GPR158: variants seen among roughly 807,000 people sequenced by gnomAD.
The protein encoded by GPR158 is G protein-coupled receptor 158.
GPR158 carries 30 observed loss-of-function variants against 78.2 expected under a neutral mutation model. That is an observed-to-expected ratio of 0.38 (90% CI 0.29 to 0.52). The LOEUF (loss-of-function observed/expected upper bound fraction) is 0.52. Ranked by LOEUF, GPR158 falls within the 20% of genes least tolerant of loss-of-function variation. The probability of loss-of-function intolerance (pLI) is 0.83; values close to 1 mark genes in which losing one functional copy is unlikely to be tolerated. For missense variants in GPR158, 1,463 were observed against 1,523.5 expected, an observed-to-expected ratio of 0.96 and a Z score of 0.66; for synonymous variants, 581 against 591.1, an observed-to-expected ratio of 0.98 and a Z score of 0.25.
intron 5 of GPR158, among the ~76,000 whole-genome samples, chr10:25,476,723 A>G (rs780327432): frequency 1.3e-5 from 2 of 152,084 alleles, no homozygotes; most frequent in Non-Finnish European, 1.5e-5. Context: ...TTTTCCTTGC[A>G]TGGCAGTACT....
chr10:25,362,275 G>T (rs1855651312), intron 2 of GPR158, among the ~76,000 whole-genome samples: 1 of 151,814 alleles, frequency 6.6e-6, no homozygotes, highest in Admixed American at 6.6e-5. Flanking sequence ...ATTACATGAG[G>T]GTTTATTTCT....
intron 4 of GPR158, among the ~76,000 whole-genome samples, chr10:25,435,801 G>T (rs1834990302): frequency 6.6e-6 from 1 of 152,278 alleles, no homozygotes; most frequent in East Asian, 1.9e-4. Context: ...GTGTAAAAGT[G>T]GGGGAAATGA....
intron 4 of GPR158, among the ~76,000 whole-genome samples, chr10:25,433,429 T>C (rs999007064): frequency 6.6e-6 from 1 of 152,142 alleles, no homozygotes; most frequent in African/African-American, 2.4e-5. Context: ...TGGTTTTATA[T>C]GTTCCTTGGC....
intron 5 of GPR158, among the ~76,000 whole-genome samples, chr10:25,506,516 T>C (rs1355276033): frequency 1.3e-5 from 2 of 152,212 alleles, no homozygotes; most frequent in East Asian, 1.9e-4. Context: ...GTTGAAACAA[T>C]AGGCACTGTT....
At chr10:25,315,120 A>C (rs1329104177) in intron 2 of GPR158, among the ~76,000 whole-genome samples, 1 of 151,862 alleles carries the variant, frequency 6.6e-6, no homozygotes, top group African/African-American at 2.4e-5. Context: ...TGAGGATGAA[A>C]AGTTTGATAT....
intron 2 of GPR158, 58 bp from the exon 3 acceptor site, chr10:25,395,853 C>G (rs574111272): frequency 2.0e-5 from 16 of 805,008 alleles, no homozygotes; most frequent in Middle Eastern, 2.3e-4. Context: ...TATCTGCGAG[C>G]CTTTATACCA....
intron 4 of GPR158, among the ~76,000 whole-genome samples, chr10:25,455,581 CTAAT>C (rs1835279958): frequency 6.6e-6 from 1 of 152,036 alleles, no homozygotes; most frequent in South Asian, 2.1e-4. Flanking sequence ...AGAAAGAAGA[CTAAT>C]TAAAACATCC....
intron 9 of GPR158, among the ~76,000 whole-genome samples, chr10:25,595,640 C>T (rs1295074248): frequency 6.6e-6 from 1 of 152,186 alleles, no homozygotes; most frequent in Non-Finnish European, 1.5e-5. Context: ...AAATGCCACA[C>T]ATTGCATGAT....
chr10:25,474,071 G>A (rs1835548140), intron 5 of GPR158, among the ~76,000 whole-genome samples: 1 of 152,066 alleles, frequency 6.6e-6, no homozygotes, highest in South Asian at 2.1e-4. Flanking sequence ...CAAATAGATG[G>A]CATGATGAAA....
At chr10:25,594,421 T>G in intron 9 of GPR158, 24 bp downstream of exon 9, 1 of 1,104,086 alleles carries the variant, frequency 9.1e-7, no homozygotes, top group Non-Finnish European at 1.3e-6. Context: ...ATTACTTTTT[T>G]TTTTGCAAAA....
intron 2 of GPR158, among the ~76,000 whole-genome samples, chr10:25,247,939 A>G (rs2130716368): frequency 6.7e-6 from 1 of 149,766 alleles, no homozygotes; most frequent in South Asian, 2.2e-4. Context: ...CCAACAATGT[A>G]AAAGTGTTCC....
chr10:25,271,665 T>C (rs1854120564), intron 2 of GPR158, among the ~76,000 whole-genome samples: 1 of 152,198 alleles, frequency 6.6e-6, no homozygotes, highest in Admixed American at 6.5e-5. Context: ...CGCATATAAC[T>C]TAGAAACATT....
intron 6 of GPR158, 43 bp from the exon 7 acceptor site, chr10:25,572,606 G>C (rs1004889362): frequency 7.5e-6 from 9 of 1,197,140 alleles, no homozygotes; most frequent in Non-Finnish European, 1.1e-5. Flanking sequence ...TATACTTTCT[G>C]AATGTTAGGT....
At chr10:25,336,937 C>T (rs563060589) in intron 2 of GPR158, among the ~76,000 whole-genome samples, 11 of 152,200 alleles carry the variant, frequency 7.2e-5, no homozygotes, top group African/African-American at 2.6e-4. Context: ...CTAAAATAGA[C>T]ACCTTCAATT....
intron 1 of GPR158, among the ~76,000 whole-genome samples, chr10:25,182,793 A>G (rs577609643): frequency 2.7e-4 from 41 of 152,306 alleles, no homozygotes; most frequent in African/African-American, 9.6e-4. Flanking sequence ...TGTTGATGCT[A>G]TTTTGCACTT....
intron 5 of GPR158, among the ~76,000 whole-genome samples, chr10:25,498,722 C>T (rs554836650): frequency 6.6e-6 from 1 of 152,330 alleles, no homozygotes; most frequent in Admixed American, 6.5e-5. Context: ...AATCCTCCCA[C>T]TGTCTGTCAC....
chr10:25,403,480 T>C (rs906682433), intron 3 of GPR158, among the ~76,000 whole-genome samples: 5 of 152,082 alleles, frequency 3.3e-5, no homozygotes, highest in Admixed American at 3.3e-4. Context: ...TATAGCTTTA[T>C]ACATTTTCCA....
chr10:25,291,295 A>G (rs1854433038), intron 2 of GPR158, among the ~76,000 whole-genome samples: 1 of 152,064 alleles, frequency 6.6e-6, no homozygotes, highest in South Asian at 2.1e-4. Context: ...GCTATTAGAC[A>G]CGGGCCATAG....
intron 1 of GPR158, among the ~76,000 whole-genome samples, chr10:25,212,157 A>C (rs998520019): frequency 3.3e-5 from 5 of 152,206 alleles, no homozygotes; most frequent in African/African-American, 1.2e-4. Flanking sequence ...TTGCACTGCT[A>C]TAAAGAAATA....
Sources: allele counts gnomAD v4.1 joint callset (sites outside exome capture counted in the v4.1 genomes callset), GRCh38; gene constraint gnomAD v4.1.1; transcripts MANE v1.5; gene names NCBI Gene and HGNC (gene_info 2026-07-23, HGNC 2026-07-21).